EMC1: variants seen among roughly 807,000 people sequenced by gnomAD.
The protein encoded by EMC1 is KIAA0090.
In EMC1, 103 loss-of-function variants were observed where a neutral mutation model predicts 128.8. That is an observed-to-expected ratio of 0.80 (90% confidence interval 0.68 to 0.94). The LOEUF is 0.94. EMC1 is among the 40% of genes least tolerant of loss of function. The pLI is 0.00. For synonymous variants in EMC1, 442 were observed against 490.4 expected, an observed-to-expected ratio of 0.90 and a Z score of 1.30; for missense variants, 1,083 against 1,250.6, an observed-to-expected ratio of 0.87 and a Z score of 2.02.
At chr1:19,224,110 C>T (rs911937474) in intron 18 of EMC1, among the ~76,000 whole-genome samples, 1 of 152,212 alleles carries the variant, frequency 6.6e-6, no homozygotes, top group Non-Finnish European at 1.5e-5. Context: ...ACTCCTTCTA[C>T]TTTACTGGCC....
At chr1:19,249,676 G>C (rs2093648165) in intron 1 of EMC1, among the ~76,000 whole-genome samples, 1 of 151,524 alleles carries the variant, frequency 6.6e-6, no homozygotes, top group Non-Finnish European at 1.5e-5. Context: ...TGTAATCCCA[G>C]CACTTTGGGA....
intron 21 of EMC1, 121 bp from the exon 22 acceptor site, chr1:19,219,819 T>A: frequency 9.1e-7 from 1 of 1,099,740 alleles, no homozygotes; most frequent in Non-Finnish European, 1.3e-6. Flanking sequence ...TCCTAGGAGG[T>A]CTGCTTGCAT....
In EMC1 at chr1:19,235,189, A is replaced by G; in HGVS notation, c.1373T>C (p.Val458Ala). ...SLAEVVCLEM[V>A]DLPLTGAQAE... ...CTGTGCCCCAGTCAGGGGGAGGTCC[A>G]CCATCTCTAGGCACACCACTTCTGC... Residue 458 changes from valine (V) to alanine (A), a missense_variant, in exon 13 of 23, where the codon GTG (valine) becomes GCG (alanine). Coordinates refer to ENST00000477853, the MANE Select transcript of EMC1 (RefSeq NM_015047.3). 6.2e-7 allele frequency: 1 copy of G among 1,614,042 alleles called. No homozygotes were observed. Among genetic ancestry groups the G allele is most frequent in the African/African-American group, 1.3e-5 (1 of 75,058 alleles).
In EMC1 at chr1:19,219,627, G is replaced by C; in HGVS notation, c.2744C>G (p.Thr915Arg). ...GTAGATACCTCGCATTCGAGAAACT[G>C]TCTGGTTATAGTTGATGAATCGCTC... ...HAERFINYNQ[T>R]VSRMRGIYTA... Residue 915 changes from threonine (T) to arginine (R), a missense_variant, in exon 22 of 23, where the codon ACA becomes AGA. Physicochemically the swap from Thr to Arg is moderately conservative, Grantham distance 71 (BLOSUM62 -1). Coordinates refer to ENST00000477853, the MANE Select transcript of EMC1 (RefSeq NM_015047.3). 1 of 1,613,150 alleles carries C rather than the reference G, an allele frequency of 6.2e-7. No homozygotes were observed.
chr1:19,231,175 A>G, intron 16 of EMC1, 86 bp downstream of exon 16: 1 of 1,438,984 alleles, frequency 6.9e-7, no homozygotes, highest in African/African-American at 1.4e-5. Context: ...TGCAGAGAGC[A>G]CTCCATCTCC....
rs182390329 is a variant in EMC1 at position 19,244,778 on chromosome 1, C to T, written c.220+128G>A. 5.6e-4 allele frequency: 571 copies of T among 1,022,174 alleles called. 1 individual carries two copies. Among genetic ancestry groups the T allele is most frequent in the African/African-American group, 3.8e-3 (237 of 61,816 alleles). 63.3% of individuals were successfully genotyped at this position (1,022,174 alleles called of 1,614,324 possible). A position where few individuals can be genotyped will look rare whatever the true frequency, so the allele number is the denominator to read the frequency against. ...GGTAAGACTGAAAAAAAAAAAGTATCAGAATCCACTAGGAGAGGCATCTTT... is the reference window on the plus strand; with the variant it reads ...GGTAAGACTGAAAAAAAAAAAGTATTAGAATCCACTAGGAGAGGCATCTTT... On this transcript the variant is annotated intron_variant, in intron 2 of 22. Transcript: ENST00000477853.
intron 8 of EMC1, chr1:19,239,595 A>G (rs1173937780): frequency 3.4e-6 from 2 of 588,434 alleles, no homozygotes; most frequent in East Asian, 5.7e-5. Context: ...CCTTTGGACT[A>G]AGGAAGGCAC....
chr1:19,227,526 A>G (rs2093484840), intron 17 of EMC1, 76 bp from the exon 18 acceptor site: 1 of 1,553,420 alleles, frequency 6.4e-7, no homozygotes, highest in Non-Finnish European at 8.8e-7. Context: ...GACACATCCT[A>G]CAGTTCATTA....
At chr1:19,223,667 G>T in intron 18 of EMC1, 98 bp from the exon 19 acceptor site, 1 of 1,118,482 alleles carries the variant, frequency 8.9e-7, no homozygotes, top group Non-Finnish European at 1.3e-6. Flanking sequence ...CAGCCTGGCA[G>T]AGGAATCAGG....
chr1:19,231,532 T>C (rs1299039277), intron 15 of EMC1, 110 bp from the exon 16 acceptor site: 8 of 1,128,860 alleles, frequency 7.1e-6, no homozygotes, highest in Middle Eastern at 2.0e-4. Flanking sequence ...TTCTCTAGTC[T>C]TTGCCCTCTT....
At position 19,235,180 on chromosome 1, in the gene EMC1, G is replaced by A; in HGVS notation, c.1382C>T (p.Pro461Leu). ...CAGCTCGGCCTGTGCCCCAGTCAGG[G>A]GGAGGTCCACCATCTCTAGGCACAC... ...EVVCLEMVDLPLTGAQAELEG... is the reference protein window; with the variant it reads ...EVVCLEMVDLLLTGAQAELEG... Residue 461 changes from proline to leucine, a missense_variant, in exon 13 of 23, where the codon CCC becomes CTC. Pro to Leu is a moderately conservative substitution (Grantham distance 98). This residue lies in a region of EMC1 where 544 missense variants were observed against 572.4 expected (regional missense o/e 0.95). Coordinates refer to ENST00000477853, the MANE Select transcript of EMC1 (RefSeq NM_015047.3). 1 of 1,614,026 alleles carries A rather than the reference G, an allele frequency of 6.2e-7. No individual in the cohort carries two copies. Among genetic ancestry groups the A allele is most frequent in the Non-Finnish European group, 8.5e-7 (1 of 1,179,934 alleles).
At chr1:19,248,023 C>CCA (rs566461492) in intron 1 of EMC1, among the ~76,000 whole-genome samples, 7 of 141,212 alleles carry the variant, frequency 5.0e-5, no homozygotes, top group Non-Finnish European at 7.8e-5. Flanking sequence ...GACTCTGTCC[C>CCA]AAAAAAAAAA....
At chr1:19,227,273 G>A (rs771190442) in intron 18 of EMC1, 40 bp downstream of exon 18, 24 of 1,610,624 alleles carry the variant, frequency 1.5e-5, no homozygotes, top group East Asian at 2.2e-5. Flanking sequence ...TTCCTGATTC[G>A]AAAGCCCTTG....
In EMC1 at chr1:19,219,690, T is replaced by C; in HGVS notation, c.2681A>G (p.Asn894Ser). 6.2e-7 allele frequency: 1 copy of C among 1,614,054 alleles called. No individual in the cohort carries two copies. The highest frequency in any genetic ancestry group is 8.5e-7 in the Non-Finnish European group (1 of 1,180,006). The stretch of plus-strand genomic sequence containing the variant: ...TACATCTGGAGAATACGGGATTAAG[T>C]TCTCCTCTCTGCAAAACACCAGCCG... ...EIPTEQSREE[N>S]LIPYSPDVQI... Residue 894 changes from asparagine (N) to serine (S), a missense_variant, in exon 22 of 23, where the codon AAC becomes AGC. By Grantham distance (46) the Asn-to-Ser change is conservative. Coordinates refer to ENST00000477853, the MANE Select transcript of EMC1 (RefSeq NM_015047.3).
chr1:19,225,394 G>A (rs1011757898), intron 18 of EMC1, among the ~76,000 whole-genome samples: 18 of 152,214 alleles, frequency 1.2e-4, no homozygotes, highest in Admixed American at 3.9e-4. Flanking sequence ...GCTCCCGCCT[G>A]TAATCCCAGC....
At chr1:19,240,699 C>A (rs1572022037) in intron 6 of EMC1, 1 of 575,348 alleles carries the variant, frequency 1.7e-6, no homozygotes, top group Non-Finnish European at 3.1e-6. Context: ...TTTTAAATAC[C>A]TGGCACTTCA....
Position 19,242,409 on chromosome 1 carries a change from T to G in EMC1, c.445A>C (p.Thr149Pro). The G allele has an allele frequency of 6.2e-7, 1 of 1,614,126 alleles. No homozygotes were observed. The highest frequency in any genetic ancestry group is 8.5e-7 in the Non-Finnish European group (1 of 1,179,998). The part of the protein sequence containing the change: ...SVRYIAVLKK[T>P]TLALHHLSSG... ...GAGAGGTGATGGAGGGCAAGTGTAG[T>G]CTTCTTCAGGACTGCGATGTACCTT... The change falls in exon 5 of 23, where the codon ACT becomes CCT. Residue 149 changes from threonine (T) to proline (P), a missense_variant. Around this residue, in one of 3 missense-constraint regions of EMC1, gnomAD observed 544 missense variants for 572.4 expected, o/e 0.95. Transcript: ENST00000477853.
In EMC1 at chr1:19,237,192, C is replaced by G. The variant is rs747400495; in HGVS notation, c.1259G>C (p.Arg420Pro). 2 of 1,614,030 alleles carry G rather than the reference C, an allele frequency of 1.2e-6. No homozygotes were observed. The highest frequency in any genetic ancestry group is 1.7e-5 in the Admixed American group (1 of 60,006). Residue 420 changes from arginine to proline, a missense_variant, in exon 12 of 23, where the codon CGG becomes CCG. Physicochemically the swap from Arg to Pro is moderately radical, Grantham distance 103. Coordinates refer to ENST00000477853, the MANE Select transcript of EMC1 (RefSeq NM_015047.3). The stretch of plus-strand genomic sequence containing the variant: ...ATGATCCTCTGTCTGCACCAAAGCC[C>G]GGTAGCCCACTGAGTCATCCTTCTT... Reference protein sequence around the residue: ...FLKKDDSVGYRALVQTEDHLL... With the variant: ...FLKKDDSVGYPALVQTEDHLL...
At chr1:19,228,139 AG>A (rs2093490925) in intron 17 of EMC1, among the ~76,000 whole-genome samples, 1 of 145,332 alleles carries the variant, frequency 6.9e-6, no homozygotes, top group South Asian at 2.2e-4. Context: ...CAGGAGGTGG[AG>A]GTTGCAGTGA....
Sources: gnomAD v4.1 joint callset for allele counts (sites outside exome capture counted in the v4.1 genomes callset) on GRCh38, gnomAD v4.1.1 for gene constraint, gnomAD v4.1.1 regional missense constraint, MANE v1.5 for transcripts, NCBI Gene and HGNC (gene_info 2026-07-23, HGNC 2026-07-21) for gene names.